STARD7: variants seen among roughly 807,000 people sequenced by gnomAD.
STARD7 encodes StAR related lipid transfer domain containing 7.
STARD7 carries 30 observed loss-of-function variants against 45.3 expected under a neutral mutation model. That is an observed-to-expected ratio of 0.66 (90% confidence interval 0.50 to 0.90). STARD7 has a LOEUF of 0.90. Ranked by LOEUF, STARD7 falls within the 40% of genes least tolerant of loss-of-function variation. The pLI is 0.00. For missense variants in STARD7, 495 were observed against 491.3 expected (o/e 1.01, Z -0.07); for synonymous variants, 199 against 183.0 (o/e 1.09, Z -0.70).
At chr2:96,196,118 A>C in intron 1 of STARD7, among the ~76,000 whole-genome samples, 1 of 150,484 alleles carries the variant, frequency 6.6e-6, no homozygotes, top group Admixed American at 6.6e-5. Flanking sequence ...TGTCTCAAAA[A>C]AAAAAAAAAA....
intron 1 of STARD7, among the ~76,000 whole-genome samples, chr2:96,206,110 G>A (rs1228528563): frequency 6.6e-6 from 1 of 152,150 alleles, no homozygotes; most frequent in East Asian, 1.9e-4. Context: ...AGTCTGACCA[G>A]AGGCTCAGTC....
intron 6 of STARD7, among the ~76,000 whole-genome samples, chr2:96,191,865 T>G (rs1034613712): frequency 2.6e-5 from 4 of 151,984 alleles, no homozygotes; most frequent in Admixed American, 2.6e-4. Context: ...TCAGTGGAGA[T>G]TTAGCTTAAA....
rs1301084602 is a variant in STARD7, at chr2:96,208,372, C to G, written c.63G>C (p.Ala21=). 10 of 1,529,146 alleles carry G rather than the reference C, an allele frequency of 6.5e-6. No homozygotes were observed. Among genetic ancestry groups the G allele is most frequent in the African/African-American group, 1.4e-5 (1 of 69,740 alleles). 94.7% of individuals were successfully genotyped at this position (1,529,146 alleles called of 1,614,324 possible). A position where few individuals can be genotyped will look rare whatever the true frequency, so the allele number is the denominator to read the frequency against. ...LAGTRGGGLL[A]LLANQCRFVT... ...CGAAGCGGCACTGATTGGCCAGAAG[C>G]GCCAGCAGGCCCCCGCCCCGCGTCC... The change falls in exon 1 of 8, where the codon GCG becomes GCC. Residue 21 remains alanine, a synonymous_variant. Transcript: ENST00000337288.
At chr2:96,187,374 A>G (rs981338847) in intron 6 of STARD7, 73 bp from the exon 7 acceptor site, 7 of 933,328 alleles carry the variant, frequency 7.5e-6, no homozygotes, top group African/African-American at 6.5e-5. Flanking sequence ...GTACCATAGA[A>G]TAACTATGAT....
chr2:96,207,564 T>C (rs1291399331), intron 1 of STARD7, among the ~76,000 whole-genome samples: 1 of 152,116 alleles, frequency 6.6e-6, no homozygotes, highest in African/African-American at 2.4e-5. Flanking sequence ...ATTCCCAAAG[T>C]TCTAGTTAAC....
At chr2:96,206,570 G>A (rs1049053932) in intron 1 of STARD7, among the ~76,000 whole-genome samples, 1 of 152,022 alleles carries the variant, frequency 6.6e-6, no homozygotes, top group African/African-American at 2.4e-5. Flanking sequence ...GGAGGCCGAG[G>A]CGGGCGGATC....
At chr2:96,204,469 C>T (rs1462514043) in intron 1 of STARD7, among the ~76,000 whole-genome samples, 1 of 145,884 alleles carries the variant, frequency 6.9e-6, no homozygotes, top group Admixed American at 6.8e-5. Context: ...GCAGGAGAAT[C>T]GCTTGAACCT....
At chr2:96,198,320 C>CAA (rs199740020) in intron 1 of STARD7, among the ~76,000 whole-genome samples, 53 of 113,462 alleles carry the variant, frequency 4.7e-4, no homozygotes, top group African/African-American at 1.2e-3. Context: ...AAAACTGTCT[C>CAA]AAAAAAAAAA....
chr2:96,208,169 C>T lies in STARD7; in HGVS notation c.266G>A (p.Arg89Lys). The T allele has an allele frequency of 6.3e-7, 1 of 1,598,798 alleles. No homozygotes were observed. The highest frequency in any genetic ancestry group is 8.5e-7 in the Non-Finnish European group (1 of 1,173,332). ...LAGVFVWDEE[R>K]IQEEELQRSI... Reference sequence around the variant, plus strand: ...CCTCTGCAACTCCTCCTCCTGGATCCTCTCCTCGTCCCAAACGAAGACGCC... The same window carrying T: ...CCTCTGCAACTCCTCCTCCTGGATCTTCTCCTCGTCCCAAACGAAGACGCC... The change falls in exon 1 of 8, where the codon AGG becomes AAG. Residue 89 changes from arginine to lysine, a missense_variant. Physicochemically the swap from Arg to Lys is conservative, Grantham distance 26. Coordinates refer to ENST00000337288, the MANE Select transcript of STARD7 (RefSeq NM_020151.4).
At chr2:96,195,145 C>A in intron 2 of STARD7, 138 bp from the exon 3 acceptor site, 1 of 867,256 alleles carries the variant, frequency 1.2e-6, no homozygotes, top group South Asian at 1.7e-5. Context: ...CTTAGTAGAG[C>A]AACAAAGAAA....
rs4907229 is a variant in STARD7 at position 96,186,523 on chromosome 2, A to C, written c.*207T>G. On this transcript the variant is annotated 3_prime_UTR_variant, in exon 8 of 8. Coordinates refer to ENST00000337288, the MANE Select transcript of STARD7 (RefSeq NM_020151.4). ...AAAACAGTTGGCCTGAGAATATGAC[A>C]ACACTCCCACAAATGTAGCCTTCTT... 2,972 of 431,948 alleles carry C rather than the reference A, an allele frequency of 6.9e-3. 186 individuals are homozygous for C. In the Admixed American group the frequency reaches 0.11, roughly 16 times the overall value. The allele number at this position is 431,948 out of a possible 1,614,324, so 26.8% of individuals were successfully genotyped here.
chr2:96,190,381 G>A (rs980169633), intron 6 of STARD7, among the ~76,000 whole-genome samples: 10 of 140,874 alleles, frequency 7.1e-5, no homozygotes, highest in Admixed American at 7.7e-5. Flanking sequence ...TGTCGCCCAC[G>A]CTGGGGTGCA....
rs1452536550 is a variant in STARD7 at position 96,184,949 on chromosome 2, T to C, written c.*1781A>G. 2 of 152,658 alleles carry C rather than the reference T, an allele frequency of 1.3e-5. No homozygotes were observed. The highest frequency in any genetic ancestry group is 2.9e-5 in the Non-Finnish European group (2 of 68,034). 9.5% of individuals were successfully genotyped at this position (152,658 alleles called of 1,614,324 possible). A position where few individuals can be genotyped will look rare whatever the true frequency, so the allele number is the denominator to read the frequency against. On this transcript the variant is annotated 3_prime_UTR_variant, in exon 8 of 8. Transcript: ENST00000337288. The stretch of plus-strand genomic sequence containing the variant: ...AAATCATTACAATGACATGAGTAAC[T>C]GTACAGACAGACCCCAAGTGCAGAA...
Position 96,208,142 on chromosome 2 carries a change from C to A in STARD7, c.290+3G>T, listed in dbSNP as rs777172249. On this transcript the variant is annotated splice_donor_region_variant and intron_variant, in intron 1 of 7. Transcript: ENST00000337288. ...CCCAGAAAGAGCTCGCCGCAGCGCCCACCTCTGCAACTCCTCCTCCTGGAT... is the reference window on the plus strand; with the variant it reads ...CCCAGAAAGAGCTCGCCGCAGCGCCAACCTCTGCAACTCCTCCTCCTGGAT... 1.9e-6 allele frequency: 3 copies of A among 1,556,100 alleles called. No homozygotes were observed. The South Asian group carries it at 3.6e-5, about 18-fold the overall frequency.
rs1002814198 is a variant in STARD7, at chr2:96,185,312, G to A, written c.*1418C>T. 1.3e-5 allele frequency: 2 copies of A among 151,824 alleles called. No homozygotes were observed. Among genetic ancestry groups the A allele is most frequent in the African/African-American group, 4.8e-5 (2 of 41,420 alleles). The allele number at this position is 151,824 out of a possible 1,614,324, so 9.4% of individuals were successfully genotyped here. A position where few individuals can be genotyped will look rare whatever the true frequency, so the allele number is the denominator to read the frequency against. Reference sequence around the variant, plus strand: ...AATGAACAGGCAACAAGAAGGTCAAGGAAGTGTTTAAGTTAGTCTCAGGTT... The same window carrying A: ...AATGAACAGGCAACAAGAAGGTCAAAGAAGTGTTTAAGTTAGTCTCAGGTT... On this transcript the variant is annotated 3_prime_UTR_variant, in exon 8 of 8. Coordinates refer to ENST00000337288, the MANE Select transcript of STARD7 (RefSeq NM_020151.4).
At chr2:96,188,578 A>C (rs1207100649) in intron 6 of STARD7, among the ~76,000 whole-genome samples, 1 of 150,976 alleles carries the variant, frequency 6.6e-6, no homozygotes, top group Admixed American at 6.6e-5. Context: ...CCCAGCCAAG[A>C]CTCCGTCTTT....
intron 1 of STARD7, among the ~76,000 whole-genome samples, chr2:96,198,550 C>T (rs1558736328): frequency 6.6e-6 from 1 of 152,154 alleles, no homozygotes; most frequent in Non-Finnish European, 1.5e-5. Context: ...TCCAATTGCC[C>T]CACTTGTTAT....
chr2:96,186,926 C>T lies in STARD7; in HGVS notation c.929-12G>A, dbSNP rs760075920. On this transcript the variant is annotated splice_polypyrimidine_tract_variant and intron_variant, in intron 7 of 7. Transcript: ENST00000337288. ...GAAATCTGGCATGCCTGTCAGGAGA[C>T]GAGAATCAGGTTAAGCTGACATACA... 2.3e-5 allele frequency: 37 copies of T among 1,608,228 alleles called. No homozygotes were observed. The highest frequency in any genetic ancestry group is 1.6e-4 in the South Asian group (14 of 90,224).
chr2:96,200,791 T>C (rs1201788551), intron 1 of STARD7, among the ~76,000 whole-genome samples: 1 of 152,136 alleles, frequency 6.6e-6, no homozygotes, highest in Non-Finnish European at 1.5e-5. Flanking sequence ...GCTGGCACAA[T>C]AGGCGTGTGC....
Sources: allele counts gnomAD v4.1 joint callset (sites outside exome capture counted in the v4.1 genomes callset), GRCh38; gene constraint gnomAD v4.1.1; transcripts MANE v1.5; gene names NCBI Gene and HGNC (gene_info 2026-07-23, HGNC 2026-07-21).